Variants in MAP3K21 observed in about 807,000 individuals in gnomAD.
MAP3K21 encodes mitogen-activated protein kinase kinase kinase MLK4.
MAP3K21 carries 63 observed loss-of-function variants against 86.1 expected under a neutral mutation model. That is an observed-to-expected ratio of 0.73 (90% CI 0.60 to 0.90). The LOEUF (loss-of-function observed/expected upper bound fraction) is 0.90, where lower values mean the gene tolerates loss of function less well. Ranked by LOEUF, MAP3K21 falls within the 40% of genes least tolerant of loss-of-function variation. The pLI, the probability that MAP3K21 is intolerant of heterozygous loss-of-function variation, is 0.00. For missense variants in MAP3K21, 1,220 were observed against 1,367.7 expected (o/e 0.89, Z 1.70); for synonymous variants, 558 against 564.8 (o/e 0.99, Z 0.17).
At chr1:233,363,450 C>A (rs1272547503) in intron 5 of MAP3K21, among the ~76,000 whole-genome samples, 3 of 152,108 alleles carry the variant, frequency 2.0e-5, no homozygotes, top group Non-Finnish European at 4.4e-5. Flanking sequence ...GTAATCGCGG[C>A]ACTTTGGTTA....
chr1:233,372,455 G>T (rs1663704681), intron 6 of MAP3K21: 1 of 389,562 alleles, frequency 2.6e-6, no homozygotes, highest in Non-Finnish European at 4.5e-6. Flanking sequence ...TGCACGCAAC[G>T]TTAGCATAAC....
rs1663658530 is a variant in MAP3K21, at chr1:233,370,272, G to A, written c.1553-1766G>A. Among the ~76,000 whole-genome samples the A allele has an allele frequency of 2.0e-5, 3 of 152,274 alleles. No individual in the cohort carries two copies. In the South Asian group the frequency reaches 6.2e-4, roughly 32 times the overall value. ...CAGTCCTGTGAAATAGGAATAATTA[G>A]TTCTTTTCCATTTTTGTCAGTAAAG... On this transcript the variant is annotated intron_variant, in intron 5 of 9. Transcript: ENST00000366624.
At chr1:233,331,396 T>G (rs1662807300) in intron 1 of MAP3K21, among the ~76,000 whole-genome samples, 1 of 152,230 alleles carries the variant, frequency 6.6e-6, no homozygotes, top group Non-Finnish European at 1.5e-5. Flanking sequence ...CCATGGTGCC[T>G]CATACATGGT....
At chr1:233,375,708 C>G (rs1051515092) in intron 6 of MAP3K21, 1 of 518,780 alleles carries the variant, frequency 1.9e-6, no homozygotes, top group African/African-American at 2.0e-5. Flanking sequence ...TGTATCTTTT[C>G]TGTTAACTTA....
At position 233,354,929 on chromosome 1, in the gene MAP3K21, CT is replaced by C; in HGVS notation, c.1230del (p.Gln411LysfsTer13). ...GAAGGGGCAGTGATGACTGAGATGC[CT>C]CAAGAATCTTTTCATTCCATGCAAG... The part of the protein sequence containing the change: ...AIEGAVMTEM[P>X]QESFHSMQDD... On this transcript the variant is annotated frameshift_variant, in exon 4 of 10. Coordinates refer to ENST00000366624, the MANE Select transcript of MAP3K21 (RefSeq NM_032435.3). LOFTEE classifies it high-confidence loss of function. 6.2e-7 allele frequency: 1 copy of C among 1,613,912 alleles called. No homozygotes were observed. The highest frequency in any genetic ancestry group is 1.1e-5 in the South Asian group (1 of 91,078).
Position 233,376,003 on chromosome 1 carries a change from A to C in MAP3K21, c.1763A>C (p.Lys588Thr). The C allele has an allele frequency of 6.2e-7, 1 of 1,609,230 alleles. No homozygotes were observed. Among genetic ancestry groups the C allele is most frequent in the Non-Finnish European group, 8.5e-7 (1 of 1,178,734 alleles). ...GAGGATGTAAAAAGGAATTTTAAGA[A>C]AAAAGGTTGTACCTGGGGACCAAAT... ...EFEDVKRNFK[K>T]KGCTWGPNSI... Residue 588 changes from lysine to threonine, a missense_variant, in exon 7 of 10, where the codon AAA becomes ACA. Transcript: ENST00000366624.
intron 6 of MAP3K21, among the ~76,000 whole-genome samples, chr1:233,374,948 CT>C (rs202226723): frequency 6.7e-6 from 1 of 150,164 alleles, no homozygotes; most frequent in Admixed American, 6.7e-5. Context: ...TTCCAAATCC[CT>C]TTTTTTTGTT....
At chr1:233,376,943 A>C (rs1008504465) in intron 8 of MAP3K21, among the ~76,000 whole-genome samples, 1 of 152,146 alleles carries the variant, frequency 6.6e-6, no homozygotes, top group African/African-American at 2.4e-5. Context: ...GAAAAACACA[A>C]AAACTAGCCG....
chr1:233,365,979 G>T (rs182317385), intron 5 of MAP3K21, among the ~76,000 whole-genome samples: 4 of 152,304 alleles, frequency 2.6e-5, no homozygotes, highest in African/African-American at 7.2e-5. Context: ...AGACAATGTG[G>T]TGTGTTTACC....
At chr1:233,351,682 G>A (rs1663254861) in intron 2 of MAP3K21, among the ~76,000 whole-genome samples, 1 of 132,870 alleles carries the variant, frequency 7.5e-6, no homozygotes. Flanking sequence ...GGGAGACAGA[G>A]CGAGATTCCA....
At position 233,382,622 on chromosome 1, in the gene MAP3K21, A is replaced by G; in HGVS notation, c.3022A>G (p.Ser1008Gly). The G allele has an allele frequency of 6.2e-7, 1 of 1,614,178 alleles. No individual in the cohort carries two copies. Among genetic ancestry groups the G allele is most frequent in the Non-Finnish European group, 8.5e-7 (1 of 1,180,016 alleles). The change falls in exon 10 of 10, where the codon AGC becomes GGC. Residue 1008 changes from serine to glycine, a missense_variant. Ser to Gly is a moderately conservative substitution (Grantham distance 56). Coordinates refer to ENST00000366624, the MANE Select transcript of MAP3K21 (RefSeq NM_032435.3). ...SLLDADVEGQSRDYTVPLCRM... is the reference protein window; with the variant it reads ...SLLDADVEGQGRDYTVPLCRM... The stretch of plus-strand genomic sequence containing the variant: ...ACTGGATGCTGACGTGGAAGGTCAG[A>G]GCAGGGACTACACTGTGCCACTGTG...
intron 1 of MAP3K21, among the ~76,000 whole-genome samples, chr1:233,334,662 A>G (rs1294292): frequency 0.79 from 120,506 of 152,102 alleles, 47,915 homozygotes; most frequent in East Asian, 0.99. Flanking sequence ...TGGATGCCAT[A>G]CTAAGATGTG....
Position 233,327,921 on chromosome 1 carries a change from T to A in MAP3K21, c.-108T>A, listed in dbSNP as rs964154907. On this transcript the variant is annotated 5_prime_UTR_variant, in exon 1 of 10. Transcript: ENST00000366624. ...GTCACCGATCGCGATTCCTACCCCC[T>A]CGCCTTCCCCCGGCGCCGACGGCCA... 2.2e-6 allele frequency: 2 copies of A among 890,336 alleles called. No individual in the cohort carries two copies. Among genetic ancestry groups the A allele is most frequent in the Non-Finnish European group, 2.9e-6 (2 of 681,068 alleles). The allele number at this position is 890,336 out of a possible 1,614,324, so 55.2% of individuals were successfully genotyped here. A position where few individuals can be genotyped will look rare whatever the true frequency, so the allele number is the denominator to read the frequency against.
chr1:233,367,941 G>A (rs1451023567), intron 5 of MAP3K21, among the ~76,000 whole-genome samples: 1 of 152,092 alleles, frequency 6.6e-6, no homozygotes, highest in African/African-American at 2.4e-5. Context: ...GGTGTTTTTG[G>A]AAGGTTGGAA....
At chr1:233,337,623 A>G (rs746018775) in intron 1 of MAP3K21, among the ~76,000 whole-genome samples, 7 of 152,120 alleles carry the variant, frequency 4.6e-5, no homozygotes, top group Non-Finnish European at 1.0e-4. Context: ...TAATTTGGCT[A>G]ACTTGGGTGA....
intron 4 of MAP3K21, among the ~76,000 whole-genome samples, chr1:233,355,567 A>G (rs1663335506): frequency 6.6e-6 from 1 of 152,176 alleles, no homozygotes; most frequent in Non-Finnish European, 1.5e-5. Flanking sequence ...ATGCCAGGCT[A>G]GTGATTTGGA....
In MAP3K21 at chr1:233,354,774, A is replaced by G. The variant is rs545949876; in HGVS notation, c.1136-62A>G. 13 of 647,506 alleles carry G rather than the reference A, an allele frequency of 2.0e-5. No individual in the cohort carries two copies. The East Asian group carries it at 8.0e-4, about 40-fold the overall frequency. 40.1% of individuals were successfully genotyped at this position (647,506 alleles called of 1,614,324 possible). ...GTTGAAATACACTTCAGTGTAAAAC[A>G]TTTCTTAGCAACTCTAAACTGCGTT... On this transcript the variant is annotated intron_variant, in intron 3 of 9. Transcript: ENST00000366624.
chr1:233,366,252 A>G (rs1008856894), intron 5 of MAP3K21, among the ~76,000 whole-genome samples: 2 of 152,192 alleles, frequency 1.3e-5, no homozygotes, highest in Non-Finnish European at 2.9e-5. Context: ...ACAGCTAGGT[A>G]GGAGGAATGA....
chr1:233,382,422 T>C lies in MAP3K21; in HGVS notation c.2822T>C (p.Ile941Thr), dbSNP rs756780344. 1.2e-5 allele frequency: 19 copies of C among 1,614,026 alleles called. No homozygotes were observed. The East Asian group carries it at 4.2e-4, about 36-fold the overall frequency. ...CCCAAGAAGCACAGCACTGTCCACA[T>C]CGTGCCTCAGCGTCGCCCTGCCTCC... ...VSPKKHSTVH[I>T]VPQRRPASLR... The change falls in exon 10 of 10, where the codon ATC (isoleucine) becomes ACC (threonine). Residue 941 changes from isoleucine (I) to threonine (T), a missense_variant. Physicochemically the swap from Ile to Thr is moderately conservative, Grantham distance 89. Transcript: ENST00000366624.
Sources: gnomAD v4.1 joint callset for allele counts (sites outside exome capture counted in the v4.1 genomes callset) on GRCh38, gnomAD v4.1.1 for gene constraint, MANE v1.5 for transcripts, NCBI Gene and HGNC (gene_info 2026-07-23, HGNC 2026-07-21) for gene names.